Variants in PADI2 observed in about 807,000 individuals in gnomAD.
The protein encoded by PADI2 is peptidyl arginine deiminase 2.
Under a neutral mutation model 81.1 loss-of-function variants are expected in PADI2, and 70 were observed. That is an observed-to-expected ratio of 0.86 (90% CI 0.71 to 1.05). The LOEUF is 1.05. Among genes scored for constraint, PADI2 ranks in the 50% least tolerant of loss-of-function variants. The pLI is 0.00. For synonymous variants in PADI2, 338 were observed against 358.0 expected (o/e 0.94, Z 0.63); for missense variants, 853 against 889.9 (o/e 0.96, Z 0.53).
intron 13 of PADI2, among the ~76,000 whole-genome samples, chr1:17,072,581 T>C (rs577991274): frequency 7.9e-5 from 12 of 152,198 alleles, no homozygotes; most frequent in Non-Finnish European, 1.8e-4. Context: ...TATGTGCTTC[T>C]ACTCTCTGCT....
chr1:17,083,945 A>G, intron 8 of PADI2, 108 bp from the exon 9 acceptor site: 1 of 759,070 alleles, frequency 1.3e-6, no homozygotes, highest in Non-Finnish European at 2.3e-6. Flanking sequence ...TGTGCCGGGC[A>G]GATCAGTCTA....
intron 13 of PADI2, among the ~76,000 whole-genome samples, chr1:17,073,309 G>T (rs12759261): frequency 6.6e-6 from 1 of 151,388 alleles, no homozygotes; most frequent in African/African-American, 2.4e-5. Flanking sequence ...CCCAGCTACT[G>T]GGGAGGCTGA....
At chr1:17,082,761 T>C in intron 9 of PADI2, 109 bp from the exon 10 acceptor site, 1 of 666,514 alleles carries the variant, frequency 1.5e-6, no homozygotes, top group East Asian at 2.8e-5. Context: ...ACGTCTGTCT[T>C]GTTCCCCATT....
intron 13 of PADI2, 51 bp downstream of exon 13, chr1:17,074,805 C>T: frequency 8.3e-7 from 1 of 1,206,340 alleles, no homozygotes; most frequent in Non-Finnish European, 1.2e-6. Flanking sequence ...CCGAGGGTCT[C>T]TCTGGGGCCT....
chr1:17,099,334 G>A (rs2235910), intron 3 of PADI2, among the ~76,000 whole-genome samples: 4 of 151,868 alleles, frequency 2.6e-5, no homozygotes, highest in Admixed American at 6.6e-5. Flanking sequence ...TCTGGGGCCC[G>A]CATATGTGTA....
At chr1:17,106,005 G>A (rs1931362006) in intron 1 of PADI2, among the ~76,000 whole-genome samples, 1 of 152,188 alleles carries the variant, frequency 6.6e-6, no homozygotes, top group Non-Finnish European at 1.5e-5. Flanking sequence ...TCCACTAGCA[G>A]AGCTGGGCCT....
Position 17,069,219 on chromosome 1 carries a change from A to G in PADI2, c.1823T>C (p.Val608Ala). The change falls in exon 16 of 16, where the codon GTT (valine) becomes GCT (alanine). Residue 608 changes from valine (V) to alanine (A), a missense_variant. By Grantham distance (64) the Val-to-Ala change is moderately conservative. Coordinates refer to ENST00000375486, the MANE Select transcript of PADI2 (RefSeq NM_007365.3). ...CATCTCCAGGCAGCATTCCTCCTCA[A>G]CCTGTGGCCCGAATGGCTTGGGGAT... is the stretch of plus-strand genomic sequence containing the variant. The part of the protein sequence containing the change: ...LGIPKPFGPQ[V>A]EEECCLEMHV... 1 of 1,614,178 alleles carries G rather than the reference A, an allele frequency of 6.2e-7. No homozygotes were observed. Among genetic ancestry groups the G allele is most frequent in the Non-Finnish European group, 8.5e-7 (1 of 1,180,018 alleles).
chr1:17,082,401 C>A (rs2078350661), intron 10 of PADI2, 144 bp downstream of exon 10: 1 of 644,308 alleles, frequency 1.6e-6, no homozygotes, highest in Non-Finnish European at 2.8e-6. Flanking sequence ...GCAGCTATCC[C>A]AAGTGGACTC....
intron 2 of PADI2, among the ~76,000 whole-genome samples, chr1:17,103,687 G>A (rs1232765573): frequency 6.6e-6 from 1 of 151,840 alleles, no homozygotes; most frequent in African/African-American, 2.4e-5. Flanking sequence ...CATGGCTACC[G>A]AGCACTGGAA....
At chr1:17,105,814 T>C (rs569980886) in intron 1 of PADI2, among the ~76,000 whole-genome samples, 42 of 152,126 alleles carry the variant, frequency 2.8e-4, no homozygotes, top group Admixed American at 5.2e-4. Context: ...GAAGAGGACA[T>C]CTGTTGAACA....
At chr1:17,081,668 G>A (rs1460020237) in intron 10 of PADI2, among the ~76,000 whole-genome samples, 1 of 152,196 alleles carries the variant, frequency 6.6e-6, no homozygotes, top group Non-Finnish European at 1.5e-5. Flanking sequence ...CCCCCAGCCT[G>A]TTCAGGGCAG....
intron 11 of PADI2, 151 bp from the exon 12 acceptor site, chr1:17,075,974 G>C: frequency 1.4e-6 from 1 of 698,476 alleles, no homozygotes. Context: ...AAGAGACCCT[G>C]GCGCAGGCAG....
chr1:17,083,753 GT>G lies in PADI2; in HGVS notation c.1022del (p.Tyr341SerfsTer2). 1 of 1,612,922 alleles carries G rather than the reference GT, an allele frequency of 6.2e-7. No homozygotes were observed. Among genetic ancestry groups the G allele is most frequent in the Non-Finnish European group, 8.5e-7 (1 of 1,178,884 alleles). ...GGATCCAGCGATCGCCTCGGTTTAG[GT>G]ACTGGAAGCAGACCTTCAGCTCACA... is the stretch of plus-strand genomic sequence containing the variant. ...TNCELKVCFQ[Y>X]LNRGDRWIQD... On this transcript the variant is annotated frameshift_variant, in exon 9 of 16. Coordinates refer to ENST00000375486, the MANE Select transcript of PADI2 (RefSeq NM_007365.3). LOFTEE classifies it high-confidence loss of function.
At position 17,086,653 on chromosome 1, in the gene PADI2, C is replaced by T. The variant is rs150435087; in HGVS notation, c.702G>A (p.Lys234=). ...QRYIHILGRR[K]LYHVVKYTGG... is the part of the protein sequence containing the mutation. ...CCGTGTACTTGACCACATGGTAGAG[C>T]TTCCGCCGGCCCAGGATGTGGATAT... The change falls in exon 7 of 16, where the codon AAG becomes AAA. Residue 234 remains lysine (K), a synonymous_variant. Transcript: ENST00000375486. 6.2e-7 allele frequency: 1 copy of T among 1,614,030 alleles called. No individual in the cohort carries two copies. Among genetic ancestry groups the T allele is most frequent in the African/African-American group, 1.3e-5 (1 of 74,928 alleles).
chr1:17,091,233 C>T (rs922113570), intron 6 of PADI2, among the ~76,000 whole-genome samples: 3 of 146,838 alleles, frequency 2.0e-5, no homozygotes, highest in Non-Finnish European at 4.5e-5. Flanking sequence ...TGCCCTGGAT[C>T]TAGTAGGCCT....
chr1:17,083,934 C>A, intron 8 of PADI2, 97 bp from the exon 9 acceptor site: 1 of 791,728 alleles, frequency 1.3e-6, no homozygotes, highest in Non-Finnish European at 2.2e-6. Flanking sequence ...TATCTCTGGG[C>A]TGTGCCGGGC....
At chr1:17,073,614 G>T (rs1209090035) in intron 13 of PADI2, among the ~76,000 whole-genome samples, 1 of 152,086 alleles carries the variant, frequency 6.6e-6, no homozygotes, top group Non-Finnish European at 1.5e-5. Flanking sequence ...CTATTAGAGT[G>T]GGGAGGGAGA....
In PADI2 at chr1:17,086,580, C is replaced by G; in HGVS notation, c.775G>C (p.Asp259His). Residue 259 changes from aspartate (D) to histidine (H), a missense_variant, in exon 7 of 16, where the codon GAC (aspartate) becomes CAC (histidine). Transcript: ENST00000375486. ...GAGACCAGGCCTGAGAAGCCCTCGT[C>G]GGGGAAACAGAGGCCTTCCACGAAG... is the stretch of plus-strand genomic sequence containing the variant. The part of the protein sequence containing the change: ...LFFVEGLCFP[D>H]EGFSGLVSIH... 6.2e-7 allele frequency: 1 copy of G among 1,614,012 alleles called. No homozygotes were observed. The highest frequency in any genetic ancestry group is 1.7e-5 in the Admixed American group (1 of 60,008).
chr1:17,086,750 C>G (rs765201619), intron 6 of PADI2, 51 bp from the exon 7 acceptor site: 1 of 1,540,876 alleles, frequency 6.5e-7, no homozygotes, highest in Non-Finnish European at 8.9e-7. Flanking sequence ...AGAAAGAGGT[C>G]GGTGGGGTGG....
Sources: gnomAD v4.1 joint callset for allele counts (sites outside exome capture counted in the v4.1 genomes callset) on GRCh38, gnomAD v4.1.1 for gene constraint, MANE v1.5 for transcripts, NCBI Gene and HGNC (gene_info 2026-07-23, HGNC 2026-07-21) for gene names.